ADCY1: variants seen among roughly 807,000 people sequenced by gnomAD.
ADCY1 encodes adenylate cyclase 1.
In ADCY1, 28 loss-of-function variants were observed where a neutral mutation model predicts 105.4. That is an observed-to-expected ratio of 0.27 (90% CI 0.20 to 0.36). ADCY1 has a LOEUF of 0.36. Among genes scored for constraint, ADCY1 ranks in the 10% least tolerant of loss-of-function variants. ADCY1 has a pLI of 1.00. For missense variants in ADCY1, 977 were observed against 1,434.2 expected (o/e 0.68, Z 5.15); for synonymous variants, 655 against 623.8 (o/e 1.05, Z -0.75).
Position 45,708,603 on chromosome 7 carries a change from T to TA in ADCY1, c.2932+140dup. 1.6e-6 allele frequency: 1 copy of TA among 638,006 alleles called. No individual in the cohort carries two copies. Among genetic ancestry groups the TA allele is most frequent in the Non-Finnish European group, 2.8e-6 (1 of 356,434 alleles). 39.5% of individuals were successfully genotyped at this position (638,006 alleles called of 1,614,324 possible). A position where few individuals can be genotyped will look rare whatever the true frequency, so the allele number is the denominator to read the frequency against. On this transcript the variant is annotated intron_variant, in intron 18 of 19. Transcript: ENST00000297323. This position sits in a 1 kb window ranked among gnomAD's most constrained non-coding sequence, Gnocchi z 4.7. ...ACCCAGGAGGGCATGGGGACCTGTG[T>TA]ACCGAGTTGCCCCTGGAAGCTGCTG... is the stretch of plus-strand genomic sequence containing the variant.
Position 45,708,365 on chromosome 7 carries a change from T to G in ADCY1, c.2833T>G (p.Ser945Ala), listed in dbSNP as rs756670065. The G allele has an allele frequency of 6.2e-7, 1 of 1,614,032 alleles. No homozygotes were observed. Among genetic ancestry groups the G allele is most frequent in the Admixed American group, 1.7e-5 (1 of 60,018 alleles). The change falls in exon 18 of 20, where the codon TCC becomes GCC. Residue 945 changes from serine to alanine, a missense_variant. By Grantham distance (99) the Ser-to-Ala change is moderately conservative. This residue lies in a region of ADCY1 where 152 missense variants were observed against 293.7 expected (regional missense o/e 0.52). Coordinates refer to ENST00000297323, the MANE Select transcript of ADCY1 (RefSeq NM_021116.4). The surrounding 1 kb of genome is among the most constrained non-coding windows in gnomAD (Gnocchi z 4.7). ...TTACACCTAGGCTAAGAAGTCCATCTCCTCCCACCTGAGCACGCTGGCGGA... is the reference window on the plus strand; with the variant it reads ...TTACACCTAGGCTAAGAAGTCCATCGCCTCCCACCTGAGCACGCTGGCGGA... ...TSGTKAKKSI[S>A]SHLSTLADFA... is the part of the protein sequence containing the mutation.
At chr7:45,599,057 G>A (rs561315453) in intron 2 of ADCY1, among the ~76,000 whole-genome samples, 7 of 152,282 alleles carry the variant, frequency 4.6e-5, no homozygotes, top group South Asian at 4.2e-4. Flanking sequence ...CTGCCTGGTC[G>A]GGGTGACATG....
Position 45,704,803 on chromosome 7 carries a change from C to T in ADCY1, c.2817+187C>T, listed in dbSNP as rs1380676842. Among the ~76,000 whole-genome samples, 3 of 152,128 alleles carry T rather than the reference C, an allele frequency of 2.0e-5. No individual in the cohort carries two copies. In the East Asian group the frequency reaches 5.8e-4, roughly 29 times the overall value. ...GACACAATCTCCTAGGGAAAGTCAGCACAGAAGGCACCGGAGCTTCCTCCA... is the reference window on the plus strand; with the variant it reads ...GACACAATCTCCTAGGGAAAGTCAGTACAGAAGGCACCGGAGCTTCCTCCA... On this transcript the variant is annotated intron_variant, in intron 17 of 19. Coordinates refer to ENST00000297323, the MANE Select transcript of ADCY1 (RefSeq NM_021116.4).
chr7:45,667,536 GTAGTA>G (rs1458123100), intron 8 of ADCY1, among the ~76,000 whole-genome samples: 9 of 152,206 alleles, frequency 5.9e-5, no homozygotes, highest in African/African-American at 2.2e-4. Flanking sequence ...CTGTAGCCTT[GTAGTA>G]TAGTTTGAAG....
At chr7:45,705,487 A>G (rs867103791) in intron 17 of ADCY1, among the ~76,000 whole-genome samples, 4 of 152,248 alleles carry the variant, frequency 2.6e-5, no homozygotes, top group East Asian at 1.9e-4. Flanking sequence ...AATCGTATCA[A>G]TTGATGCAGA....
At chr7:45,634,145 C>T (rs1444987350) in intron 4 of ADCY1, among the ~76,000 whole-genome samples, 2 of 152,136 alleles carry the variant, frequency 1.3e-5, no homozygotes, top group Admixed American at 6.5e-5. Flanking sequence ...CGTATACATA[C>T]GTTTTCTACA....
At chr7:45,662,781 C>T (rs1485949051) in intron 8 of ADCY1, among the ~76,000 whole-genome samples, 3 of 152,342 alleles carry the variant, frequency 2.0e-5, no homozygotes, top group East Asian at 1.9e-4. Flanking sequence ...TCTGACCCCT[C>T]GCCCGCAGTG....
chr7:45,585,095 C>G (rs1454182600), intron 1 of ADCY1, among the ~76,000 whole-genome samples: 2 of 152,250 alleles, frequency 1.3e-5, no homozygotes, highest in African/African-American at 4.8e-5. Flanking sequence ...TCATGAGTGC[C>G]TTTGCCTTCA....
intron 17 of ADCY1, among the ~76,000 whole-genome samples, chr7:45,706,512 A>AAAAAAAG (rs1554332713): frequency 5.9e-5 from 8 of 135,496 alleles, no homozygotes; most frequent in Non-Finnish European, 9.5e-5. Context: ...AAAAAAAAAA[A>AAAAAAAG]AGAATATAGA....
chr7:45,711,619 A>ATATATATGTATATATG (rs1281186210), intron 19 of ADCY1, among the ~76,000 whole-genome samples: 46 of 38,076 alleles, frequency 1.2e-3, no homozygotes, highest in African/African-American at 3.4e-3. Flanking sequence ...ATATATATAT[A>ATATATATGTATATATG]TATATATATA....
At chr7:45,583,902 A>G (rs1364740106) in intron 1 of ADCY1, among the ~76,000 whole-genome samples, 1 of 143,286 alleles carries the variant, frequency 7.0e-6, no homozygotes, top group Non-Finnish European at 1.5e-5. Flanking sequence ...GGCCTCCCAA[A>G]GTGTTGACAT....
chr7:45,616,213 AGGCCCAGAT>A (rs1308394113), intron 3 of ADCY1, among the ~76,000 whole-genome samples: 1 of 152,254 alleles, frequency 6.6e-6, no homozygotes, highest in Non-Finnish European at 1.5e-5. Flanking sequence ...CGAAAAGTCC[AGGCCCAGAT>A]GGTTTCACTG....
Position 45,703,661 on chromosome 7 carries a change from A to G in ADCY1, c.2633A>G (p.Asn878Ser). The G allele has an allele frequency of 6.2e-7, 1 of 1,613,362 alleles. No homozygotes were observed. Among genetic ancestry groups the G allele is most frequent in the Non-Finnish European group, 8.5e-7 (1 of 1,179,708 alleles). The change falls in exon 16 of 20, where the codon AAT becomes AGT. Residue 878 changes from asparagine (N) to serine (S), a missense_variant. By Grantham distance (46) the Asn-to-Ser change is conservative. Coordinates refer to ENST00000297323, the MANE Select transcript of ADCY1 (RefSeq NM_021116.4). This position sits in a 1 kb window ranked among gnomAD's most constrained non-coding sequence, Gnocchi z 5.9. ...ATGTTTGCCTCCATCCCCAACTTCA[A>G]TGACTTCTACATCGAGCTGGACGGC... ...GVMFASIPNFNDFYIELDGNN... is the reference protein window; with the variant it reads ...GVMFASIPNFSDFYIELDGNN...
chr7:45,613,418 G>A (rs1793645224), intron 3 of ADCY1, among the ~76,000 whole-genome samples: 1 of 152,106 alleles, frequency 6.6e-6, no homozygotes, highest in Admixed American at 6.5e-5. Context: ...AAAAAGGAAT[G>A]GAAAAGACTG....
chr7:45,708,658 C>T lies in ADCY1; in HGVS notation c.2932+194C>T, dbSNP rs996892482. The stretch of plus-strand genomic sequence containing the variant: ...AAGGTGAAGATGCTTCAGAAAGTGA[C>T]TTAGACTTTGAAGATTCATTGTCTA... On this transcript the variant is annotated intron_variant, in intron 18 of 19. Transcript: ENST00000297323. This position sits in a 1 kb window ranked among gnomAD's most constrained non-coding sequence, Gnocchi z 4.7. 1.3e-5 allele frequency among the ~76,000 whole-genome samples: 2 copies of T among 152,226 alleles called. No homozygotes were observed. The highest frequency in any genetic ancestry group is 4.8e-5 in the African/African-American group (2 of 41,454).
Position 45,703,816 on chromosome 7 carries a change from T to C in ADCY1, c.2718+70T>C. 1 of 1,501,214 alleles carries C rather than the reference T, an allele frequency of 6.7e-7. No individual in the cohort carries two copies. The highest frequency in any genetic ancestry group is 8.9e-7 in the Non-Finnish European group (1 of 1,119,344). 93.0% of individuals were successfully genotyped at this position (1,501,214 alleles called of 1,614,324 possible). ...TGCATCCTGTTGCGTGGGCAGAGCGTGTCTCACAATATGTCACATTCTTCG... is the reference window on the plus strand; with the variant it reads ...TGCATCCTGTTGCGTGGGCAGAGCGCGTCTCACAATATGTCACATTCTTCG... On this transcript the variant is annotated intron_variant, in intron 16 of 19. Coordinates refer to ENST00000297323, the MANE Select transcript of ADCY1 (RefSeq NM_021116.4). This position sits in a 1 kb window ranked among gnomAD's most constrained non-coding sequence, Gnocchi z 5.9.
At chr7:45,600,058 A>G (rs1399694789) in intron 2 of ADCY1, among the ~76,000 whole-genome samples, 1 of 152,252 alleles carries the variant, frequency 6.6e-6, no homozygotes, top group Non-Finnish European at 1.5e-5. Flanking sequence ...CAGAAGCCAC[A>G]TGCCAAGATA....
Position 45,616,567 on chromosome 7 carries a change from CAT to C in ADCY1, c.909-6064_909-6063del, listed in dbSNP as rs567586544. Among the ~76,000 whole-genome samples, 864 of 152,260 alleles carry C rather than the reference CAT, an allele frequency of 5.7e-3. 3 individuals carry two copies. The highest frequency in any genetic ancestry group is 9.8e-3 in the Non-Finnish European group (669 of 68,016). Reference sequence around the variant, plus strand: ...TGTTAAGAGAATACGGAATACAAATCATGTGATCATCTCAATAGATGCAGAAA... The same window carrying C: ...TGTTAAGAGAATACGGAATACAAATCGTGATCATCTCAATAGATGCAGAAA... On this transcript the variant is annotated intron_variant, in intron 3 of 19. Transcript: ENST00000297323.
intron 3 of ADCY1, among the ~76,000 whole-genome samples, chr7:45,614,184 T>C (rs868134908): frequency 1.3e-5 from 2 of 152,122 alleles, no homozygotes; most frequent in African/African-American, 4.8e-5. Context: ...AAAACAAAAG[T>C]ATTAAAAATA....
Sources: gnomAD v4.1 joint callset for allele counts (sites outside exome capture counted in the v4.1 genomes callset) on GRCh38, gnomAD v4.1.1 for gene constraint, gnomAD v4.1.1 regional missense constraint, Gnocchi (gnomAD v3.1) non-coding constraint, MANE v1.5 for transcripts, NCBI Gene and HGNC (gene_info 2026-07-23, HGNC 2026-07-21) for gene names.